BANK1: variants seen among roughly 807,000 people sequenced by gnomAD.
BANK1 encodes the protein B-cell scaffold protein with ankyrin repeats.
A neutral mutation model predicts 94.5 loss-of-function variants in BANK1; 95 were observed. That is an observed-to-expected ratio of 1.00 (90% CI 0.85 to 1.19). The LOEUF (loss-of-function observed/expected upper bound fraction) is 1.19, where lower values mean the gene tolerates loss of function less well. Ranked by LOEUF, BANK1 falls within the 50% of genes most tolerant of loss-of-function variation. BANK1 has a pLI of 0.00. For missense variants in BANK1, 987 were observed against 932.2 expected (o/e 1.06, Z -0.77); for synonymous variants, 334 against 308.4 (o/e 1.08, Z -0.87).
chr4:101,935,525 T>C (rs57920610), intron 7 of BANK1, among the ~76,000 whole-genome samples: 5 of 151,678 alleles, frequency 3.3e-5, no homozygotes, highest in African/African-American at 9.6e-5. Context: ...TATCAAGAAT[T>C]TCTTGAAAGT....
intron 7 of BANK1, among the ~76,000 whole-genome samples, chr4:101,967,355 T>C (rs1268974858): frequency 6.6e-6 from 1 of 151,994 alleles, no homozygotes; most frequent in Non-Finnish European, 1.5e-5. Flanking sequence ...CATGCCCAAG[T>C]TTATGGCTCC....
Position 101,872,713 on chromosome 4 carries a change from A to G in BANK1, c.903+2069A>G, listed in dbSNP as rs184620730. ...TATTTAACAAATTTTGTGGTCGGGC[A>G]TGGTAACTCACGCCTGTGGTCTCAG... is the stretch of plus-strand genomic sequence containing the variant. On this transcript the variant is annotated intron_variant, in intron 5 of 16. Transcript: ENST00000322953. Among the ~76,000 whole-genome samples the G allele has an allele frequency of 1.4e-3, 207 of 152,212 alleles. 4 individuals carry two copies. The highest frequency in any genetic ancestry group is 5.4e-3 in the East Asian group (28 of 5,172).
At chr4:101,869,062 G>A (rs527349327) in intron 4 of BANK1, among the ~76,000 whole-genome samples, 69 of 151,732 alleles carry the variant, frequency 4.5e-4, no homozygotes, top group Non-Finnish European at 6.5e-4. Context: ...AAAATATATA[G>A]AATATTTATC....
chr4:101,912,118 G>A (rs540003227), intron 6 of BANK1, among the ~76,000 whole-genome samples: 132 of 152,146 alleles, frequency 8.7e-4, no homozygotes, highest in Non-Finnish European at 1.6e-3. Flanking sequence ...AATAAGTTAT[G>A]ACTTAGGAAA....
chr4:102,029,965 A>C lies in BANK1; in HGVS notation c.1600A>C (p.Met534Leu), dbSNP rs767688855. Residue 534 changes from methionine (M) to leucine (L), a missense_variant, in exon 10 of 17, where the codon ATG becomes CTG. Physicochemically the swap from Met to Leu is conservative, Grantham distance 15. Coordinates refer to ENST00000322953, the MANE Select transcript of BANK1 (RefSeq NM_017935.5). Reference sequence around the variant, plus strand: ...TGTAAATATTTCATAAACAGGGACAATGGTGGAAGGCCAAATGGAAAGAAG... The same window carrying C: ...TGTAAATATTTCATAAACAGGGACACTGGTGGAAGGCCAAATGGAAAGAAG... The part of the protein sequence containing the change: ...ERPHFTLPGT[M>L]VEGQMERSQN... 1 of 1,602,032 alleles carries C rather than the reference A, an allele frequency of 6.2e-7. No individual in the cohort carries two copies. The highest frequency in any genetic ancestry group is 1.4e-5 in the African/African-American group (1 of 73,824).
At chr4:101,934,898 A>T (rs1723478039) in intron 7 of BANK1, among the ~76,000 whole-genome samples, 1 of 151,456 alleles carries the variant, frequency 6.6e-6, no homozygotes, top group South Asian at 2.1e-4. Context: ...TGCCCTTTTC[A>T]CAGCAGTACC....
intron 1 of BANK1, among the ~76,000 whole-genome samples, chr4:101,796,445 T>C (rs1365044371): frequency 3.3e-5 from 5 of 152,300 alleles, no homozygotes; most frequent in Admixed American, 2.0e-4. Flanking sequence ...GTATCTTCCA[T>C]TGAAAATTAA....
intron 7 of BANK1, among the ~76,000 whole-genome samples, chr4:101,958,285 T>C (rs1724435690): frequency 6.6e-6 from 1 of 152,130 alleles, no homozygotes; most frequent in South Asian, 2.1e-4. Flanking sequence ...CCATCCCCAT[T>C]TTATAGATAT....
At chr4:102,053,309 C>T (rs1414784321) in intron 11 of BANK1, among the ~76,000 whole-genome samples, 1 of 152,072 alleles carries the variant, frequency 6.6e-6, no homozygotes, top group Non-Finnish European at 1.5e-5. Flanking sequence ...AGGAGAGTTG[C>T]TCATGTTTAA....
chr4:101,852,488 A>ATATG (rs1727521116), intron 2 of BANK1, among the ~76,000 whole-genome samples: 1 of 110,370 alleles, frequency 9.1e-6, no homozygotes, highest in Non-Finnish European at 1.9e-5. Context: ...ATATATATAT[A>ATATG]TATATATATA....
chr4:102,070,993 C>T (rs1368166009), intron 13 of BANK1, among the ~76,000 whole-genome samples: 1 of 152,078 alleles, frequency 6.6e-6, no homozygotes, highest in Non-Finnish European at 1.5e-5. Flanking sequence ...AGCGGAATAT[C>T]AAGGCAGGGC....
chr4:101,811,090 C>T (rs72923421), intron 1 of BANK1, among the ~76,000 whole-genome samples: 1 of 152,082 alleles, frequency 6.6e-6, no homozygotes, highest in Non-Finnish European at 1.5e-5. Context: ...TTTTAAATGA[C>T]AGGGTCAGGA....
intron 6 of BANK1, among the ~76,000 whole-genome samples, chr4:101,914,699 A>G (rs1722773926): frequency 6.6e-6 from 1 of 152,124 alleles, no homozygotes. Flanking sequence ...TATTTAATAT[A>G]CACTGTTGAT....
At chr4:101,843,475 A>AT (rs1727133538) in intron 2 of BANK1, among the ~76,000 whole-genome samples, 1 of 152,068 alleles carries the variant, frequency 6.6e-6, no homozygotes, top group Non-Finnish European at 1.5e-5. Flanking sequence ...ACATTTTATC[A>AT]TTTTTTCCTT....
intron 7 of BANK1, among the ~76,000 whole-genome samples, chr4:101,949,337 C>A (rs1354943914): frequency 6.6e-6 from 1 of 152,030 alleles, no homozygotes; most frequent in East Asian, 1.9e-4. Flanking sequence ...GTGGCCAAAC[C>A]AATACACAAG....
At chr4:102,011,100 T>G (rs1455263319) in intron 7 of BANK1, among the ~76,000 whole-genome samples, 4 of 152,222 alleles carry the variant, frequency 2.6e-5, no homozygotes, top group African/African-American at 4.8e-5. Context: ...TACTATGAAA[T>G]CATCCTTCCA....
intron 14 of BANK1, among the ~76,000 whole-genome samples, chr4:102,071,848 C>T (rs1380591276): frequency 6.6e-6 from 1 of 152,126 alleles, no homozygotes. Flanking sequence ...CTAGAAGCAA[C>T]TCTCCATAGC....
chr4:102,070,241 A>G (rs750048212), intron 13 of BANK1, among the ~76,000 whole-genome samples: 9 of 152,192 alleles, frequency 5.9e-5, no homozygotes, highest in Non-Finnish European at 1.0e-4. Flanking sequence ...AAGACTTTAT[A>G]TGCTGGCCAA....
Position 101,986,879 on chromosome 4 carries a change from G to A in BANK1, c.1207-34635G>A, listed in dbSNP as rs1284673114. Among the ~76,000 whole-genome samples, 221 of 50,644 alleles carry A rather than the reference G, an allele frequency of 4.4e-3. 6 individuals carry two copies. Among genetic ancestry groups the A allele is most frequent in the East Asian group, 0.03 (78 of 2,560 alleles). 33.2% of individuals were successfully genotyped at this position (50,644 alleles called of 152,430 possible). ...TGTATATATATATGTGTGTATGTGT[G>A]TGTGTGTGTGTGTGTGTGTGTATAT... On this transcript the variant is annotated intron_variant, in intron 7 of 16. Coordinates refer to ENST00000322953, the MANE Select transcript of BANK1 (RefSeq NM_017935.5).
Sources: gnomAD v4.1 joint callset for allele counts (sites outside exome capture counted in the v4.1 genomes callset) on GRCh38, gnomAD v4.1.1 for gene constraint, MANE v1.5 for transcripts, NCBI Gene and HGNC (gene_info 2026-07-23, HGNC 2026-07-21) for gene names.